Variants in GABRB1 observed in about 807,000 individuals in gnomAD.
The protein encoded by GABRB1 is gamma-aminobutyric acid type A receptor subunit beta1.
A neutral mutation model predicts 51.6 loss-of-function variants in GABRB1; 17 were observed. That is an observed-to-expected ratio of 0.33 (90% CI 0.23 to 0.49). The LOEUF (loss-of-function observed/expected upper bound fraction) is 0.49, where lower values mean the gene tolerates loss of function less well. Ranked by LOEUF, GABRB1 falls within the 20% of genes least tolerant of loss-of-function variation. The pLI, the probability that GABRB1 is intolerant of heterozygous loss-of-function variation, is 0.99. For synonymous variants in GABRB1, 247 were observed against 218.9 expected (o/e 1.13, Z -1.14); for missense variants, 410 against 600.6 (o/e 0.68, Z 3.32).
Position 47,262,994 on chromosome 4 carries a change from G to C in GABRB1, c.462-57133G>C, listed in dbSNP as rs942464307. On this transcript the variant is annotated intron_variant, in intron 4 of 8. Coordinates refer to ENST00000295454, the MANE Select transcript of GABRB1 (RefSeq NM_000812.4). ...CACTCATAGGTGGGAATTGAACAGT[G>C]AGAACACATAGACACAGGAAGGGGA... Among the ~76,000 whole-genome samples, 16 of 136,954 alleles carry C rather than the reference G, an allele frequency of 1.2e-4. No homozygotes were observed. The East Asian group carries it at 3.3e-3, about 28-fold the overall frequency. 89.8% of individuals were successfully genotyped at this position (136,954 alleles called of 152,430 possible).
intron 3 of GABRB1, among the ~76,000 whole-genome samples, chr4:47,145,525 C>A (rs1437862349): frequency 1.3e-5 from 2 of 151,866 alleles, no homozygotes; most frequent in Non-Finnish European, 2.9e-5. Flanking sequence ...AACTTATCGC[C>A]CCAGAAAGAA....
chr4:47,192,186 C>G (rs924217960), intron 4 of GABRB1, among the ~76,000 whole-genome samples: 1 of 151,896 alleles, frequency 6.6e-6, no homozygotes, highest in African/African-American at 2.4e-5. Flanking sequence ...TACTAGATCC[C>G]TATGTCTTTA....
intron 3 of GABRB1, among the ~76,000 whole-genome samples, chr4:47,052,580 T>A (rs532829021): frequency 6.6e-6 from 1 of 152,344 alleles, no homozygotes; most frequent in South Asian, 2.1e-4. Flanking sequence ...GACCCATTTG[T>A]ACTGTGGCCT....
Position 47,360,925 on chromosome 4 carries a change from C to A in GABRB1, c.544+40716C>A, listed in dbSNP as rs555690890. On this transcript the variant is annotated intron_variant, in intron 5 of 8. Coordinates refer to ENST00000295454, the MANE Select transcript of GABRB1 (RefSeq NM_000812.4). Reference sequence around the variant, plus strand: ...TCAAACACATTCTAAATGCCTTATGCATGTTAATTTATTTACCTCTCACAA... The same window carrying A: ...TCAAACACATTCTAAATGCCTTATGAATGTTAATTTATTTACCTCTCACAA... Among the ~76,000 whole-genome samples, 75 of 152,128 alleles carry A rather than the reference C, an allele frequency of 4.9e-4. No homozygotes were observed. The South Asian group carries it at 0.015, about 31-fold the overall frequency.
intron 3 of GABRB1, among the ~76,000 whole-genome samples, chr4:47,119,541 T>G (rs1053692184): frequency 2.7e-5 from 4 of 150,300 alleles, no homozygotes; most frequent in Non-Finnish European, 5.9e-5. Flanking sequence ...TGAGTTTCGC[T>G]CTTGTTGCCC....
At chr4:47,349,040 A>G (rs1726209769) in intron 5 of GABRB1, among the ~76,000 whole-genome samples, 1 of 152,200 alleles carries the variant, frequency 6.6e-6, no homozygotes, top group African/African-American at 2.4e-5. Flanking sequence ...CATCTACCAA[A>G]AAGGAGAATA....
intron 8 of GABRB1, among the ~76,000 whole-genome samples, chr4:47,410,098 AT>A (rs1728709736): frequency 6.6e-6 from 1 of 152,250 alleles, no homozygotes; most frequent in South Asian, 2.1e-4. Context: ...GACTTTTTAA[AT>A]TTTGAATTAA....
chr4:47,297,324 GT>G (rs1724041744), intron 4 of GABRB1, among the ~76,000 whole-genome samples: 1 of 125,348 alleles, frequency 8.0e-6, no homozygotes, highest in Non-Finnish European at 1.7e-5. Context: ...CCAGGAGCTG[GT>G]TTTTTGAAAG....
At chr4:47,254,357 C>CTTTGTTTTTTT (rs1161288048) in intron 4 of GABRB1, among the ~76,000 whole-genome samples, 2 of 49,662 alleles carry the variant, frequency 4.0e-5, no homozygotes, top group Non-Finnish European at 8.0e-5. Flanking sequence ...TGTTTCTTTT[C>CTTTGTTTTTTT]TTTGTTTTTT....
intron 5 of GABRB1, among the ~76,000 whole-genome samples, chr4:47,389,702 A>T (rs1265190829): frequency 6.6e-6 from 1 of 152,204 alleles, no homozygotes; most frequent in Non-Finnish European, 1.5e-5. Context: ...ATTGTTATGC[A>T]CATCTGGAGC....
At chr4:47,256,800 C>A (rs1351326818) in intron 4 of GABRB1, among the ~76,000 whole-genome samples, 1 of 152,098 alleles carries the variant, frequency 6.6e-6, no homozygotes, top group African/African-American at 2.4e-5. Context: ...TTATCACCTC[C>A]CACCAGACCC....
In GABRB1 at chr4:47,101,293, G is replaced by T. The variant is rs1451326627; in HGVS notation, c.241-59956G>T. On this transcript the variant is annotated intron_variant, in intron 3 of 8. Coordinates refer to ENST00000295454, the MANE Select transcript of GABRB1 (RefSeq NM_000812.4). ...AATTATTACAATAAAATCAAAAGTT[G>T]GTATGCAAGAATTGAATGTGTCAGA... Among the ~76,000 whole-genome samples, 5 of 151,818 alleles carry T rather than the reference G, an allele frequency of 3.3e-5. No individual in the cohort carries two copies. In the South Asian group the frequency reaches 1.0e-3, roughly 31 times the overall value.
At chr4:47,412,906 A>G (rs947642763) in intron 8 of GABRB1, among the ~76,000 whole-genome samples, 17 of 152,228 alleles carry the variant, frequency 1.1e-4, no homozygotes, top group Non-Finnish European at 2.2e-4. Context: ...ATAGCATGTG[A>G]AAAAGCTGGC....
intron 3 of GABRB1, among the ~76,000 whole-genome samples, chr4:47,079,864 G>A (rs1276818779): frequency 9.8e-6 from 1 of 101,820 alleles, no homozygotes; most frequent in Non-Finnish European, 1.8e-5. Context: ...GGGGGGAGGG[G>A]GGAGGGATAG....
chr4:47,384,375 T>A (rs1224952695), intron 5 of GABRB1, among the ~76,000 whole-genome samples: 1 of 150,798 alleles, frequency 6.6e-6, no homozygotes, highest in Non-Finnish European at 1.5e-5. Flanking sequence ...TCACTATTTC[T>A]CATCAGAATT....
At chr4:47,040,896 T>C (rs1299071880) in intron 3 of GABRB1, among the ~76,000 whole-genome samples, 1 of 152,174 alleles carries the variant, frequency 6.6e-6, no homozygotes, top group Non-Finnish European at 1.5e-5. Context: ...AGAGCATACT[T>C]TTCAATCCTT....
chr4:47,382,004 G>A (rs1727615357), intron 5 of GABRB1, among the ~76,000 whole-genome samples: 1 of 152,150 alleles, frequency 6.6e-6, no homozygotes, highest in Non-Finnish European at 1.5e-5. Flanking sequence ...TGGGGGTAGG[G>A]ATAAGGTGCT....
chr4:47,156,731 G>C (rs977313829), intron 3 of GABRB1, among the ~76,000 whole-genome samples: 1 of 151,870 alleles, frequency 6.6e-6, no homozygotes, highest in Non-Finnish European at 1.5e-5. Context: ...CACTTTGGGG[G>C]ACCGAGGGGG....
chr4:47,118,517 A>G (rs1401875790), intron 3 of GABRB1, among the ~76,000 whole-genome samples: 1 of 152,176 alleles, frequency 6.6e-6, no homozygotes, highest in Non-Finnish European at 1.5e-5. Flanking sequence ...TTTGCCAGTT[A>G]CTATCTTGTT....
Sources: gnomAD v4.1 joint callset for allele counts (sites outside exome capture counted in the v4.1 genomes callset) on GRCh38, gnomAD v4.1.1 for gene constraint, MANE v1.5 for transcripts, NCBI Gene and HGNC (gene_info 2026-07-23, HGNC 2026-07-21) for gene names.